NLGN1: variants seen among roughly 807,000 people sequenced by gnomAD.
NLGN1 encodes neuroligin 1.
Under a neutral mutation model 65.5 loss-of-function variants are expected in NLGN1, and 12 were observed. The ratio of observed to expected loss-of-function variants is 0.18; its 90% confidence interval spans 0.12 to 0.30. The LOEUF is 0.30. Among genes scored for constraint, NLGN1 ranks in the 10% least tolerant of loss-of-function variants. The pLI is 1.00. For missense variants in NLGN1, 750 were observed against 1,007.1 expected (o/e 0.74, Z 3.46); for synonymous variants, 350 against 359.5 (o/e 0.97, Z 0.30).
chr3:174,147,494 A>G (rs1193116112), intron 4 of NLGN1, among the ~76,000 whole-genome samples: 2 of 130,594 alleles, frequency 1.5e-5, no homozygotes, highest in Non-Finnish European at 3.1e-5. Context: ...AGTGCAAAAG[A>G]GCGATCTCGG....
At chr3:173,427,137 T>C (rs1333232812) in intron 1 of NLGN1, among the ~76,000 whole-genome samples, 2 of 152,016 alleles carry the variant, frequency 1.3e-5, no homozygotes. Flanking sequence ...TCTCCAATAA[T>C]CCTTTATATT....
chr3:173,901,549 T>C (rs573024140), intron 4 of NLGN1, among the ~76,000 whole-genome samples: 14 of 152,138 alleles, frequency 9.2e-5, no homozygotes, highest in African/African-American at 2.9e-4. Context: ...ATATTCTGTA[T>C]GTAAGACTTC....
Position 173,415,007 on chromosome 3 carries a change from A to C in NLGN1, c.-390+16520A>C, listed in dbSNP as rs559220718. 5.3e-5 allele frequency among the ~76,000 whole-genome samples: 8 copies of C among 152,358 alleles called. No individual in the cohort carries two copies. In the East Asian group the frequency reaches 1.5e-3, roughly 29 times the overall value. Reference sequence around the variant, plus strand: ...ACAATAAGATGCAGATGGAGACAAGAGGGCTATCAAGGAGGCAACTGCCAA... The same window carrying C: ...ACAATAAGATGCAGATGGAGACAAGCGGGCTATCAAGGAGGCAACTGCCAA... On this transcript the variant is annotated intron_variant, in intron 1 of 6. Coordinates refer to ENST00000457714, the Ensembl canonical transcript of NLGN1.
intron 4 of NLGN1, among the ~76,000 whole-genome samples, chr3:173,975,537 C>A (rs777609217): frequency 6.6e-6 from 1 of 151,896 alleles, no homozygotes; most frequent in Non-Finnish European, 1.5e-5. Flanking sequence ...AAAGTGTAAT[C>A]GTTCTTTGAA....
intron 2 of NLGN1, among the ~76,000 whole-genome samples, chr3:173,570,280 A>C (rs552661433): frequency 6.6e-6 from 1 of 152,230 alleles, no homozygotes; most frequent in Non-Finnish European, 1.5e-5. Context: ...AACCATGTGC[A>C]AAGGTGAAAT....
intron 4 of NLGN1, among the ~76,000 whole-genome samples, chr3:174,056,963 A>C (rs1736268800): frequency 6.6e-6 from 1 of 151,804 alleles, no homozygotes; most frequent in African/African-American, 2.4e-5. Flanking sequence ...TTGCTGATTG[A>C]CATTTTCAGT....
chr3:173,772,748 G>GT (rs1156967431), intron 3 of NLGN1, among the ~76,000 whole-genome samples: 5 of 152,180 alleles, frequency 3.3e-5, no homozygotes, highest in African/African-American at 4.8e-5. Context: ...ATGGGATGTG[G>GT]TGGTCTTCTT....
intron 2 of NLGN1, among the ~76,000 whole-genome samples, chr3:173,534,165 T>G (rs1370559543): frequency 6.6e-6 from 1 of 152,226 alleles, no homozygotes; most frequent in Non-Finnish European, 1.5e-5. Flanking sequence ...CTGGCACATA[T>G]TAATTCCACA....
chr3:174,170,326 AG>A (rs1452341325), intron 4 of NLGN1, among the ~76,000 whole-genome samples: 2 of 151,944 alleles, frequency 1.3e-5, no homozygotes, highest in Non-Finnish European at 2.9e-5. Flanking sequence ...AAGCTTTTCT[AG>A]GAAGTTTTAG....
intron 3 of NLGN1, among the ~76,000 whole-genome samples, chr3:173,658,382 A>G (rs918369713): frequency 6.6e-6 from 1 of 152,010 alleles, no homozygotes; most frequent in Non-Finnish European, 1.5e-5. Context: ...CAAGTTTTGA[A>G]GAGAATTAAG....
At chr3:174,255,112 C>G (rs868374719) in intron 4 of NLGN1, among the ~76,000 whole-genome samples, 1 of 151,912 alleles carries the variant, frequency 6.6e-6, no homozygotes, top group South Asian at 2.1e-4. Flanking sequence ...GGTAGGATAG[C>G]TATGTTTGAA....
intron 2 of NLGN1, among the ~76,000 whole-genome samples, chr3:173,447,425 T>A (rs1442832898): frequency 1.3e-5 from 2 of 152,200 alleles, no homozygotes; most frequent in African/African-American, 4.8e-5. Context: ...TTGATCTATA[T>A]CTCTGTTTTG....
intron 3 of NLGN1, among the ~76,000 whole-genome samples, chr3:173,775,634 TATC>T (rs1780201487): frequency 2.6e-5 from 4 of 152,192 alleles, no homozygotes; most frequent in Admixed American, 2.0e-4. Flanking sequence ...ATTTTGCGAT[TATC>T]ATTTATTAGT....
chr3:174,257,329 A>G (rs1745980766), intron 4 of NLGN1, among the ~76,000 whole-genome samples: 1 of 152,214 alleles, frequency 6.6e-6, no homozygotes, highest in South Asian at 2.1e-4. Flanking sequence ...TAGTTTAATA[A>G]TTGTGAAAGA....
intron 3 of NLGN1, among the ~76,000 whole-genome samples, chr3:173,730,190 G>A (rs1772538931): frequency 6.6e-6 from 1 of 150,728 alleles, no homozygotes. Context: ...AATTATATTG[G>A]AAATACCAGG....
chr3:173,709,803 C>CAAAAAAAA (rs59998502), intron 3 of NLGN1, among the ~76,000 whole-genome samples: 6 of 69,258 alleles, frequency 8.7e-5, no homozygotes, highest in African/African-American at 5.6e-5. Context: ...AACTCTATCT[C>CAAAAAAAA]AAAAAAAAAA....
At chr3:173,487,332 T>C (rs1174865678) in intron 2 of NLGN1, among the ~76,000 whole-genome samples, 1 of 151,994 alleles carries the variant, frequency 6.6e-6, no homozygotes, top group African/African-American at 2.4e-5. Flanking sequence ...TTATTTCTAC[T>C]TTTGTTGCAG....
At chr3:174,024,461 T>A (rs1055581519) in intron 4 of NLGN1, among the ~76,000 whole-genome samples, 1 of 152,094 alleles carries the variant, frequency 6.6e-6, no homozygotes. Context: ...AAAGCTAGGA[T>A]TGGGGACACT....
rs540735806 is a variant in NLGN1, at chr3:174,028,897, T to G, written c.646+221065T>G. 2.0e-5 allele frequency among the ~76,000 whole-genome samples: 3 copies of G among 152,260 alleles called. No homozygotes were observed. The East Asian group carries it at 5.8e-4, about 30-fold the overall frequency. On this transcript the variant is annotated intron_variant, in intron 4 of 6. Coordinates refer to ENST00000457714, the Ensembl canonical transcript of NLGN1. ...GGGCCAGGCCCAGGGCCTTGCTGCT[T>G]TGTGCGGTCTCAAGACTTAGTGCCC...
Sources: gnomAD v4.1 joint callset for allele counts (sites outside exome capture counted in the v4.1 genomes callset) on GRCh38, gnomAD v4.1.1 for gene constraint, MANE v1.5 for transcripts, NCBI Gene and HGNC (gene_info 2026-07-23, HGNC 2026-07-21) for gene names.